Variants in AFF1 observed in about 807,000 individuals in gnomAD.
The protein encoded by AFF1 is ALF transcription elongation factor 1, also known as AF4/FMR2 family member 1.
In AFF1, 48 loss-of-function variants were observed where a neutral mutation model predicts 121.7. The ratio of observed to expected loss-of-function variants is 0.39; its 90% confidence interval spans 0.31 to 0.50. The LOEUF (loss-of-function observed/expected upper bound fraction) is 0.50. Ranked by LOEUF, AFF1 falls within the 20% of genes least tolerant of loss-of-function variation. The pLI is 0.76. For missense variants in AFF1, 1,523 were observed against 1,511.7 expected (o/e 1.01, Z -0.12); for synonymous variants, 613 against 563.0 (o/e 1.09, Z -1.26).
At position 86,951,615 on chromosome 4, in the gene AFF1, C is replaced by CTTTTTTTTTTTTTTTTTTT. The variant is rs748093135; in HGVS notation, c.38+3051_38+3052insTTTTTTTTTTTTTTTTTTT. Among the ~76,000 whole-genome samples the CTTTTTTTTTTTTTTTTTTT allele has an allele frequency of 3.3e-4, 41 of 124,934 alleles. 2 individuals are homozygous for CTTTTTTTTTTTTTTTTTTT. The highest frequency in any genetic ancestry group is 1.2e-3 in the African/African-American group (35 of 29,886). 82.0% of individuals were successfully genotyped at this position (124,934 alleles called of 152,430 possible). On this transcript the variant is annotated intron_variant, in intron 2 of 20. Coordinates refer to ENST00000395146, the MANE Select transcript of AFF1 (RefSeq NM_001166693.3). ...GAACTTTTTTTTCTTTTTCTTTTTT[C>CTTTTTTTTTTTTTTTTTTT]TTTTTTTCTTTTTTTTTTTTTTTTT...
intron 2 of AFF1, among the ~76,000 whole-genome samples, chr4:86,998,123 AAAAAC>A (rs1303678571): frequency 1.6e-4 from 23 of 146,648 alleles, no homozygotes; most frequent in African/African-American, 5.7e-4. Flanking sequence ...AAAAAAAAAA[AAAAAC>A]AAGAAAACTG....
At chr4:87,053,167 T>C (rs956900764) in intron 4 of AFF1, among the ~76,000 whole-genome samples, 1 of 152,198 alleles carries the variant, frequency 6.6e-6, no homozygotes. Flanking sequence ...AGAATCCTTA[T>C]ATGGTCTTAA....
At chr4:87,049,124 T>C (rs1731021291) in intron 4 of AFF1, among the ~76,000 whole-genome samples, 1 of 150,666 alleles carries the variant, frequency 6.6e-6, no homozygotes, top group Non-Finnish European at 1.5e-5. Flanking sequence ...TAACATTCTT[T>C]CTAAAAATAA....
chr4:87,046,065 C>T, intron 2 of AFF1, 101 bp from the exon 3 acceptor site: 1 of 1,430,322 alleles, frequency 7.0e-7, no homozygotes, highest in Non-Finnish European at 9.6e-7. Flanking sequence ...TGCTTCTTCC[C>T]AGACCTGTCC....
At chr4:87,106,841 A>T (rs1320680133) in intron 10 of AFF1, among the ~76,000 whole-genome samples, 1 of 152,238 alleles carries the variant, frequency 6.6e-6, no homozygotes, top group Admixed American at 6.5e-5. Flanking sequence ...GTTACAGTTA[A>T]TGTGGAGGAA....
intron 2 of AFF1, among the ~76,000 whole-genome samples, chr4:87,001,176 G>A (rs1725684124): frequency 1.3e-5 from 2 of 148,928 alleles, no homozygotes; most frequent in Non-Finnish European, 3.0e-5. Flanking sequence ...ATTGATTTGG[G>A]GTGGATGAGA....
At chr4:86,964,876 A>T (rs887162325) in intron 2 of AFF1, among the ~76,000 whole-genome samples, 2 of 152,190 alleles carry the variant, frequency 1.3e-5, no homozygotes, top group Non-Finnish European at 2.9e-5. Context: ...CCTCCATCTC[A>T]TATATCCGTC....
At chr4:87,018,870 A>C (rs375403549) in intron 2 of AFF1, among the ~76,000 whole-genome samples, 1 of 152,154 alleles carries the variant, frequency 6.6e-6, no homozygotes, top group African/African-American at 2.4e-5. Flanking sequence ...TCGAGAGGAC[A>C]TTTTTCTTTG....
intron 2 of AFF1, among the ~76,000 whole-genome samples, chr4:86,964,298 T>A (rs1248492296): frequency 6.7e-6 from 1 of 150,166 alleles, no homozygotes; most frequent in Non-Finnish European, 1.5e-5. Context: ...TAATTTTTTT[T>A]ATTTTTAGTA....
chr4:87,027,122 G>A (rs1728602822), intron 2 of AFF1, among the ~76,000 whole-genome samples: 1 of 152,180 alleles, frequency 6.6e-6, no homozygotes, highest in African/African-American at 2.4e-5. Context: ...GGGAGGAAAT[G>A]AGGGAAGGTG....
At chr4:87,065,765 C>T (rs1350912976) in intron 4 of AFF1, among the ~76,000 whole-genome samples, 2 of 148,104 alleles carry the variant, frequency 1.4e-5, no homozygotes, top group African/African-American at 5.1e-5. Flanking sequence ...GCTTAAAGAA[C>T]TTAAACAGTT....
At chr4:87,072,095 G>A (rs1722123011) in intron 4 of AFF1, among the ~76,000 whole-genome samples, 2 of 152,178 alleles carry the variant, frequency 1.3e-5, no homozygotes, top group East Asian at 3.9e-4. Context: ...TGGGCGTGGT[G>A]GCTCACGCCT....
At chr4:87,076,440 C>T (rs1244247910) in intron 4 of AFF1, among the ~76,000 whole-genome samples, 5 of 152,152 alleles carry the variant, frequency 3.3e-5, no homozygotes, top group Non-Finnish European at 7.3e-5. Context: ...TAGAGCTTAT[C>T]ACTTTTAAGG....
intron 11 of AFF1, among the ~76,000 whole-genome samples, chr4:87,109,571 C>G (rs543965013): frequency 2.0e-5 from 3 of 152,156 alleles, no homozygotes; most frequent in Non-Finnish European, 4.4e-5. Context: ...ATATGCTGTG[C>G]AGACAAATTG....
chr4:87,006,333 T>C (rs190224610), intron 2 of AFF1, among the ~76,000 whole-genome samples: 299 of 152,326 alleles, frequency 2.0e-3, no homozygotes, highest in African/African-American at 6.9e-3. Flanking sequence ...AGGCACGGCT[T>C]AAACGCTTTC....
intron 4 of AFF1, among the ~76,000 whole-genome samples, chr4:87,067,024 T>C (rs1422426103): frequency 1.3e-5 from 2 of 152,254 alleles, no homozygotes; most frequent in African/African-American, 4.8e-5. Flanking sequence ...AAGATTGTAC[T>C]ATACAATTAT....
At chr4:87,127,496 C>A (rs1288818412) in intron 15 of AFF1, 147 bp from the exon 16 acceptor site, 1 of 719,838 alleles carries the variant, frequency 1.4e-6, no homozygotes, top group Non-Finnish European at 2.4e-6. Flanking sequence ...TTTCCTCCTC[C>A]CCTCCTTATT....
At position 87,090,024 on chromosome 4, in the gene AFF1, A is replaced by G. The variant is rs759126480; in HGVS notation, c.1145A>G (p.His382Arg). ...HSWPPPLTAI[H>R]TPSTAEPSKF... is the part of the protein sequence containing the mutation. Reference sequence around the variant, plus strand: ...TGGCCGCCTCCTTTGACAGCAATACATACGCCTAGTACAGCTGAGCCATCC... The same window carrying G: ...TGGCCGCCTCCTTTGACAGCAATACGTACGCCTAGTACAGCTGAGCCATCC... The change falls in exon 6 of 21, where the codon CAT becomes CGT. Residue 382 changes from histidine to arginine, a missense_variant. Around this residue, in one of 5 missense-constraint regions of AFF1, gnomAD observed 905 missense variants for 842.5 expected, o/e 1.07. Transcript: ENST00000395146. 9.9e-6 allele frequency: 16 copies of G among 1,613,884 alleles called. No individual in the cohort carries two copies. Among genetic ancestry groups the G allele is most frequent in the Non-Finnish European group, 1.4e-5 (16 of 1,179,988 alleles).
At chr4:87,092,684 AT>A (rs1724436193) in intron 7 of AFF1, among the ~76,000 whole-genome samples, 1 of 152,142 alleles carries the variant, frequency 6.6e-6, no homozygotes, top group African/African-American at 2.4e-5. Flanking sequence ...TGTAGATAAA[AT>A]TTGCTGTTCC....
Sources: gnomAD v4.1 joint callset for allele counts (sites outside exome capture counted in the v4.1 genomes callset) on GRCh38, gnomAD v4.1.1 for gene constraint, gnomAD v4.1.1 regional missense constraint, MANE v1.5 for transcripts, NCBI Gene and HGNC (gene_info 2026-07-23, HGNC 2026-07-21) for gene names.